STK32B: variants seen among roughly 807,000 people sequenced by gnomAD.
STK32B encodes serine/threonine kinase 32B.
A neutral mutation model predicts 52.6 loss-of-function variants in STK32B; 43 were observed. The observed-to-expected ratio is 0.82, with a 90% CI of 0.64 to 1.05. The LOEUF (loss-of-function observed/expected upper bound fraction) is 1.05, where lower values mean the gene tolerates loss of function less well. Among genes scored for constraint, STK32B ranks in the 50% least tolerant of loss-of-function variants. STK32B has a pLI of 0.00. For synonymous variants in STK32B, 238 were observed against 204.3 expected (o/e 1.17, Z -1.41); for missense variants, 621 against 534.6 (o/e 1.16, Z -1.59).
chr4:5,437,881 T>G (rs2109102361), intron 6 of STK32B: 1 of 976,648 alleles, frequency 1.0e-6, no homozygotes. Context: ...TGACATCATT[T>G]TGGTGGCATA....
At chr4:5,342,669 A>C (rs902008240) in intron 4 of STK32B, among the ~76,000 whole-genome samples, 1 of 152,216 alleles carries the variant, frequency 6.6e-6, no homozygotes, top group Non-Finnish European at 1.5e-5. Flanking sequence ...TTACATATCA[A>C]CATGGGATTT....
intron 3 of STK32B, among the ~76,000 whole-genome samples, chr4:5,242,897 G>A (rs560555045): frequency 6.6e-6 from 1 of 152,266 alleles, no homozygotes; most frequent in East Asian, 1.9e-4. Flanking sequence ...TAGGTATGCG[G>A]CATTATTTCT....
chr4:5,217,875 T>C (rs1723274256), intron 3 of STK32B, among the ~76,000 whole-genome samples: 1 of 152,312 alleles, frequency 6.6e-6, no homozygotes, highest in Non-Finnish European at 1.5e-5. Context: ...AGAAAATTAG[T>C]CTACCAGAAC....
chr4:5,410,146 G>T (rs770972575), intron 5 of STK32B, among the ~76,000 whole-genome samples: 2 of 152,230 alleles, frequency 1.3e-5, no homozygotes, highest in South Asian at 4.1e-4. Flanking sequence ...CAGCGCCCAC[G>T]GCTCCAAAGT....
At chr4:5,297,227 A>G (rs765692094) in intron 3 of STK32B, among the ~76,000 whole-genome samples, 19 of 151,924 alleles carry the variant, frequency 1.3e-4, no homozygotes, top group Non-Finnish European at 2.5e-4. Context: ...CTTCATTTCA[A>G]CCTTTGTGAA....
chr4:5,154,211 CTTTT>C (rs3072774), intron 2 of STK32B, among the ~76,000 whole-genome samples: 87 of 122,548 alleles, frequency 7.1e-4, no homozygotes, highest in Non-Finnish European at 7.2e-4. Flanking sequence ...CCTTCCATGT[CTTTT>C]TTTTTTTTTT....
At chr4:5,172,908 A>G (rs1027661077) in intron 3 of STK32B, among the ~76,000 whole-genome samples, 5 of 152,120 alleles carry the variant, frequency 3.3e-5, no homozygotes, top group African/African-American at 7.2e-5. Context: ...TTGTACCTCT[A>G]GTAGAATTCG....
chr4:5,321,983 G>A (rs1309769892), intron 3 of STK32B, among the ~76,000 whole-genome samples: 18 of 135,158 alleles, frequency 1.3e-4, no homozygotes, highest in Non-Finnish European at 2.4e-4. Context: ...GTGGCTTCAA[G>A]ACTCTTGTGC....
intron 11 of STK32B, among the ~76,000 whole-genome samples, chr4:5,478,058 G>A (rs1718379096): frequency 6.6e-6 from 1 of 152,262 alleles, no homozygotes; most frequent in East Asian, 1.9e-4. Flanking sequence ...ATGCTTAGCT[G>A]GGAAGAGGGG....
chr4:5,272,159 A>T (rs1215018269), intron 3 of STK32B, among the ~76,000 whole-genome samples: 3 of 143,468 alleles, frequency 2.1e-5, no homozygotes, highest in East Asian at 4.1e-4. Context: ...GATAGCTCTT[A>T]TTATTTTGAA....
chr4:5,274,021 A>G (rs1303500408), intron 3 of STK32B, among the ~76,000 whole-genome samples: 1 of 152,126 alleles, frequency 6.6e-6, no homozygotes, highest in Non-Finnish European at 1.5e-5. Flanking sequence ...AACAAAACAA[A>G]CAAAAAAAAG....
intron 3 of STK32B, among the ~76,000 whole-genome samples, chr4:5,232,239 T>C (rs934933544): frequency 6.6e-6 from 1 of 152,212 alleles, no homozygotes; most frequent in Non-Finnish European, 1.5e-5. Flanking sequence ...TTAGATAACA[T>C]TATTGAAATA....
chr4:5,212,244 CA>C (rs1357337628), intron 3 of STK32B, among the ~76,000 whole-genome samples: 1 of 152,108 alleles, frequency 6.6e-6, no homozygotes, highest in Admixed American at 6.6e-5. Context: ...GGTGGGGAAA[CA>C]GAGGCATAGC....
chr4:5,123,094 C>T (rs2108813144), intron 1 of STK32B, among the ~76,000 whole-genome samples: 1 of 152,238 alleles, frequency 6.6e-6, no homozygotes, highest in South Asian at 2.1e-4. Flanking sequence ...GCCAACTTCC[C>T]CACCTCCCCA....
Position 5,446,550 on chromosome 4 carries a change from C to G in STK32B, c.563-123C>G, listed in dbSNP as rs1454538684. 8.3e-5 allele frequency: 67 copies of G among 806,872 alleles called. 1 individual carries two copies. The South Asian group carries it at 9.4e-4, about 11-fold the overall frequency. 50.0% of individuals were successfully genotyped at this position (806,872 alleles called of 1,614,324 possible). A position where few individuals can be genotyped will look rare whatever the true frequency, so the allele number is the denominator to read the frequency against. ...CCAGCCTGGGCAGCAGAGCAAAACT[C>G]TATCTCAAAAAAAAACAAAAAAAAA... On this transcript the variant is annotated intron_variant, in intron 6 of 11. Transcript: ENST00000282908.
chr4:5,485,006 C>T (rs565572460), intron 11 of STK32B, among the ~76,000 whole-genome samples: 3 of 152,224 alleles, frequency 2.0e-5, no homozygotes, highest in African/African-American at 7.2e-5. Context: ...ACCTTTCTCT[C>T]TGGCTGCCCT....
At chr4:5,317,414 T>TTATATATTACA in intron 3 of STK32B, among the ~76,000 whole-genome samples, 1 of 22,730 alleles carries the variant, frequency 4.4e-5, no homozygotes, top group African/African-American at 3.8e-4. Flanking sequence ...TGTATATGTA[T>TTATATATTACA]TATATATAAT....
chr4:5,391,053 G>A (rs1333936906), intron 4 of STK32B, among the ~76,000 whole-genome samples: 1 of 148,354 alleles, frequency 6.7e-6, no homozygotes, highest in Non-Finnish European at 1.5e-5. Flanking sequence ...CTGCCTCCTA[G>A]GTTCACACCA....
At chr4:5,335,697 T>G (rs1308292589) in intron 4 of STK32B, among the ~76,000 whole-genome samples, 2 of 152,152 alleles carry the variant, frequency 1.3e-5, no homozygotes, top group Non-Finnish European at 1.5e-5. Context: ...CTCGTTGGTT[T>G]CAAAGAACAT....
Sources: gnomAD v4.1 joint callset for allele counts (sites outside exome capture counted in the v4.1 genomes callset) on GRCh38, gnomAD v4.1.1 for gene constraint, MANE v1.5 for transcripts, NCBI Gene and HGNC (gene_info 2026-07-23, HGNC 2026-07-21) for gene names.